Variants in RSU1 observed in about 807,000 individuals in gnomAD.
RSU1 encodes Ras suppressor protein 1, also known as rsu-1.
Under a neutral mutation model 31.1 loss-of-function variants are expected in RSU1, and 26 were observed. The observed-to-expected ratio is 0.84, with a 90% CI of 0.61 to 1.16. The LOEUF (loss-of-function observed/expected upper bound fraction) is 1.16, where lower values mean the gene tolerates loss of function less well. Among genes scored for constraint, RSU1 ranks in the 50% most tolerant of loss-of-function variants. The pLI, the probability that RSU1 is intolerant of heterozygous loss-of-function variation, is 0.00. For synonymous variants in RSU1, 164 were observed against 136.3 expected, an observed-to-expected ratio of 1.20 and a Z score of -1.41; for missense variants, 320 against 339.1, an observed-to-expected ratio of 0.94 and a Z score of 0.44.
intron 8 of RSU1, among the ~76,000 whole-genome samples, chr10:16,602,068 T>C (rs1341920854): frequency 1.3e-5 from 2 of 152,168 alleles, no homozygotes; most frequent in Non-Finnish European, 2.9e-5. Flanking sequence ...TTGTTGCTTA[T>C]CTGTGTTATT....
chr10:16,739,531 C>A (rs1357326717), intron 7 of RSU1, among the ~76,000 whole-genome samples: 1 of 127,714 alleles, frequency 7.8e-6, no homozygotes, highest in African/African-American at 3.1e-5. Flanking sequence ...AGTGCAGTGG[C>A]GCAATCTCGG....
At chr10:16,706,994 T>G (rs1432223970) in intron 7 of RSU1, among the ~76,000 whole-genome samples, 1 of 152,178 alleles carries the variant, frequency 6.6e-6, no homozygotes, top group African/African-American at 2.4e-5. Context: ...AGTGGGATCA[T>G]GTGTTATGTG....
Position 16,737,769 on chromosome 10 carries a change from CAAT to C in RSU1, c.598+14767_598+14769del, listed in dbSNP as rs530925216. 1.5e-3 allele frequency among the ~76,000 whole-genome samples: 217 copies of C among 145,678 alleles called. 1 individual carries two copies. The highest frequency in any genetic ancestry group is 4.7e-3 in the African/African-American group (184 of 38,936). On this transcript the variant is annotated intron_variant, in intron 7 of 8. Transcript: ENST00000345264. ...AAACTAACTTAAGGAAAAAAAAAAA[CAAT>C]ATTACTGGGAGTTATAACATATCAA... is the stretch of plus-strand genomic sequence containing the variant.
At chr10:16,742,649 C>T (rs111915266) in intron 7 of RSU1, among the ~76,000 whole-genome samples, 3,134 of 152,080 alleles carry the variant, frequency 0.021, 100 homozygotes, top group African/African-American at 0.071. Context: ...TTAGCACTGC[C>T]GGCATTTCTC....
chr10:16,645,578 C>T (rs150030801), intron 8 of RSU1, among the ~76,000 whole-genome samples: 2 of 151,824 alleles, frequency 1.3e-5, no homozygotes, highest in African/African-American at 2.4e-5. Flanking sequence ...GAAGCTGAGG[C>T]GGGCGGATCG....
chr10:16,752,951 C>G lies in RSU1; in HGVS notation c.450G>C (p.Pro150=). The change falls in exon 6 of 9, where the codon CCG becomes CCC. Residue 150 remains proline, a synonymous_variant. Coordinates refer to ENST00000345264, the MANE Select transcript of RSU1 (RefSeq NM_012425.4). ...ACTTTGTGAGCTTCCCAATATCTGG[C>G]GGCAGGATTTCAAAATCGTTGTCAC... ...YLSDNDFEIL[P]PDIGKLTKLQ... is the part of the protein sequence containing the mutation. 1 of 1,613,900 alleles carries G rather than the reference C, an allele frequency of 6.2e-7. No individual in the cohort carries two copies. The highest frequency in any genetic ancestry group is 1.1e-5 in the South Asian group (1 of 91,070).
Position 16,675,310 on chromosome 10 carries a change from G to C in RSU1, c.731+19713C>G, listed in dbSNP as rs1588708344. On this transcript the variant is annotated intron_variant, in intron 8 of 8. Coordinates refer to ENST00000345264, the MANE Select transcript of RSU1 (RefSeq NM_012425.4). ...GTAACAGACTTCAAAAGGTTTTGTAGTTATGTCTTCCCGATGTCACTGTTA... is the reference window on the plus strand; with the variant it reads ...GTAACAGACTTCAAAAGGTTTTGTACTTATGTCTTCCCGATGTCACTGTTA... Among the ~76,000 whole-genome samples the C allele has an allele frequency of 5.3e-5, 8 of 152,166 alleles. 1 individual carries two copies. Among genetic ancestry groups the C allele is most frequent in the Admixed American group, 5.2e-4 (8 of 15,282 alleles).
intron 7 of RSU1, among the ~76,000 whole-genome samples, chr10:16,731,410 A>G (rs117907826): frequency 0.073 from 10,876 of 149,974 alleles, 513 homozygotes; most frequent in Middle Eastern, 0.15. Context: ...AGCCTGGGCG[A>G]AAGAGCGACA....
chr10:16,622,019 C>G (rs373239548), intron 8 of RSU1, among the ~76,000 whole-genome samples: 4 of 152,242 alleles, frequency 2.6e-5, no homozygotes, highest in East Asian at 1.9e-4. Context: ...AATGGATACT[C>G]CATTCTCCAT....
At chr10:16,619,109 G>C (rs956313281) in intron 8 of RSU1, among the ~76,000 whole-genome samples, 2 of 152,162 alleles carry the variant, frequency 1.3e-5, no homozygotes, top group African/African-American at 4.8e-5. Flanking sequence ...TTACAATTCT[G>C]ACCAAAATAC....
At chr10:16,804,222 C>T (rs1189162847) in intron 2 of RSU1, among the ~76,000 whole-genome samples, 2 of 152,132 alleles carry the variant, frequency 1.3e-5, no homozygotes, top group East Asian at 1.9e-4. Flanking sequence ...AAAAGATGCT[C>T]GGCATCATAT....
chr10:16,744,292 A>G (rs1289485139), intron 7 of RSU1, among the ~76,000 whole-genome samples: 1 of 152,218 alleles, frequency 6.6e-6, no homozygotes, highest in Non-Finnish European at 1.5e-5. Flanking sequence ...TAAATTACTA[A>G]TATGTAGACA....
rs114460313 is a variant in RSU1 at position 16,787,452 on chromosome 10, G to A, written c.110-5368C>T. ...GCACGGCTGCTCCCTTCACCAAGGCGCCAATGCTCCCCCGCAGGCCACCCC... is the reference window on the plus strand; with the variant it reads ...GCACGGCTGCTCCCTTCACCAAGGCACCAATGCTCCCCCGCAGGCCACCCC... On this transcript the variant is annotated intron_variant, in intron 2 of 8. Coordinates refer to ENST00000345264, the MANE Select transcript of RSU1 (RefSeq NM_012425.4). Among the ~76,000 whole-genome samples, 1,106 of 152,130 alleles carry A rather than the reference G, an allele frequency of 7.3e-3. 14 individuals carry two copies. The highest frequency in any genetic ancestry group is 0.023 in the African/African-American group (961 of 41,476).
intron 7 of RSU1, among the ~76,000 whole-genome samples, chr10:16,741,810 C>G (rs1325103208): frequency 6.6e-6 from 1 of 152,112 alleles, no homozygotes. Flanking sequence ...ACTCTAGCAA[C>G]CCAGGTGAGA....
intron 3 of RSU1, among the ~76,000 whole-genome samples, chr10:16,775,797 T>A (rs1441222813): frequency 6.6e-6 from 1 of 152,192 alleles, no homozygotes; most frequent in Admixed American, 6.5e-5. Context: ...CTATGCATAT[T>A]TTTTTAACTC....
At chr10:16,606,743 G>T (rs1019398732) in intron 8 of RSU1, among the ~76,000 whole-genome samples, 8 of 152,180 alleles carry the variant, frequency 5.3e-5, no homozygotes, top group Non-Finnish European at 1.0e-4. Context: ...ACACAGATCT[G>T]GTGTCCCATG....
At chr10:16,674,668 A>G (rs1409983275) in intron 8 of RSU1, among the ~76,000 whole-genome samples, 2 of 152,090 alleles carry the variant, frequency 1.3e-5, no homozygotes, top group Non-Finnish European at 2.9e-5. Context: ...GTGATAATGG[A>G]AAAAACTTTG....
intron 8 of RSU1, among the ~76,000 whole-genome samples, chr10:16,681,468 A>G (rs1006886542): frequency 2.7e-4 from 41 of 152,322 alleles, no homozygotes; most frequent in African/African-American, 9.9e-4. Context: ...TCCCGTAACA[A>G]TTTGTATTCA....
intron 5 of RSU1, among the ~76,000 whole-genome samples, chr10:16,753,986 C>G (rs1365796680): frequency 6.6e-6 from 1 of 152,084 alleles, no homozygotes; most frequent in Non-Finnish European, 1.5e-5. Context: ...GTCTTGAACT[C>G]CTAGCCTCAA....
Sources: gnomAD v4.1 joint callset for allele counts (sites outside exome capture counted in the v4.1 genomes callset) on GRCh38, gnomAD v4.1.1 for gene constraint, MANE v1.5 for transcripts, NCBI Gene and HGNC (gene_info 2026-07-23, HGNC 2026-07-21) for gene names.